The following HSD17B6 variants were observed in gnomAD, a reference collection of about 807,000 sequenced individuals.
The protein encoded by HSD17B6 is 17-beta-hydroxysteroid dehydrogenase type 6.
In HSD17B6, 16 loss-of-function variants were observed where a neutral mutation model predicts 26.4. That is an observed-to-expected ratio of 0.61 (90% CI 0.41 to 0.92). The LOEUF (loss-of-function observed/expected upper bound fraction) is 0.92, where lower values mean the gene tolerates loss of function less well. Among genes scored for constraint, HSD17B6 ranks in the 40% least tolerant of loss-of-function variants. HSD17B6 has a pLI of 0.00. For synonymous variants in HSD17B6, 139 were observed against 153.0 expected (o/e 0.91, Z 0.68); for missense variants, 357 against 386.1 (o/e 0.92, Z 0.63).
intron 1 of HSD17B6, among the ~76,000 whole-genome samples, chr12:56,765,589 C>T (rs1286354737): frequency 1.3e-5 from 2 of 151,948 alleles, no homozygotes; most frequent in Non-Finnish European, 2.9e-5. Context: ...CCTCGACCTC[C>T]CAGGCTAAAG....
intron 3 of HSD17B6, among the ~76,000 whole-genome samples, chr12:56,784,058 C>T (rs1301174721): frequency 1.3e-5 from 2 of 150,840 alleles, no homozygotes; most frequent in African/African-American, 2.4e-5. Context: ...GGCAGAGGCG[C>T]TCCCCACATC....
chr12:56,787,334 G>A lies in HSD17B6; in HGVS notation c.946G>A (p.Ala316Thr). The change falls in exon 5 of 5, where the codon GCA (alanine) becomes ACA (threonine). Residue 316 changes from alanine to threonine, a missense_variant. By Grantham distance (58) the Ala-to-Thr change is moderately conservative. Transcript: ENST00000322165. The part of the protein sequence containing the change: ...LTRSWPKPAQ[A>T]V ...TAGATCTTGGCCCAAACCAGCCCAG[G>A]CAGTCTAAAGAAAACTGGGTTGGTG... 2 of 1,611,252 alleles carry A rather than the reference G, an allele frequency of 1.2e-6. No homozygotes were observed. Among genetic ancestry groups the A allele is most frequent in the Admixed American group, 1.7e-5 (1 of 59,822 alleles).
intron 1 of HSD17B6, among the ~76,000 whole-genome samples, chr12:56,768,760 C>T (rs1359619878): frequency 7.0e-5 from 1 of 14,224 alleles, no homozygotes; most frequent in Non-Finnish European, 1.3e-4. Context: ...CTTATATTGG[C>T]GGTGGGCGGG....
At chr12:56,776,030 A>T (rs188779687) in intron 2 of HSD17B6, among the ~76,000 whole-genome samples, 1 of 152,240 alleles carries the variant, frequency 6.6e-6, no homozygotes, top group East Asian at 1.9e-4. Context: ...GCTTCAAGCG[A>T]TTCGCCTTTC....
Position 56,773,872 on chromosome 12 carries a change from C to T in HSD17B6, c.20C>T (p.Ala7Val). The T allele has an allele frequency of 6.4e-7, 1 of 1,573,620 alleles. No homozygotes were observed. The highest frequency in any genetic ancestry group is 1.2e-5 in the South Asian group (1 of 86,326). MWLYLA[A>V]FVGLYYLLHW... is the part of the protein sequence containing the mutation. ...CTCACTATGTGGCTCTACCTGGCGG[C>T]CTTCGTGGGCCTGTACTACCTTCTG... The change falls in exon 2 of 5, where the codon GCC becomes GTC. Residue 7 changes from alanine to valine, a missense_variant. Physicochemically the swap from Ala to Val is moderately conservative, Grantham distance 64. Transcript: ENST00000322165.
chr12:56,782,412 A>G (rs1445420158), intron 3 of HSD17B6, among the ~76,000 whole-genome samples, 180 bp downstream of exon 3: 1 of 152,204 alleles, frequency 6.6e-6, no homozygotes, highest in Non-Finnish European at 1.5e-5. Flanking sequence ...GAGTTCACCT[A>G]CCATAGCCAG....
intron 1 of HSD17B6, among the ~76,000 whole-genome samples, chr12:56,767,548 A>G (rs552329627): frequency 7.5e-5 from 11 of 147,534 alleles, no homozygotes; most frequent in Non-Finnish European, 1.0e-4. Flanking sequence ...AAAAAAAAAC[A>G]AAAACAAAAT....
chr12:56,784,880 A>T lies in HSD17B6; in HGVS notation c.600A>T (p.Lys200Asn), dbSNP rs757749628. 1.9e-6 allele frequency: 3 copies of T among 1,613,872 alleles called. No homozygotes were observed. In the South Asian group the frequency reaches 3.3e-5, roughly 18 times the overall value. Residue 200 changes from lysine to asparagine, a missense_variant, in exon 4 of 5, where the codon AAA becomes AAT. Transcript: ENST00000322165. ...LRREIQHFGVKISIVEPGYFR... is the reference protein window; with the variant it reads ...LRREIQHFGVNISIVEPGYFR... Reference sequence around the variant, plus strand: ...GTGAGATTCAACATTTTGGGGTGAAAATCAGCATAGTTGAACCTGGCTACT... The same window carrying T: ...GTGAGATTCAACATTTTGGGGTGAATATCAGCATAGTTGAACCTGGCTACT...
intron 1 of HSD17B6, among the ~76,000 whole-genome samples, chr12:56,767,367 A>T (rs1426306000): frequency 6.6e-6 from 1 of 150,946 alleles, no homozygotes; most frequent in Non-Finnish European, 1.5e-5. Context: ...AAAAAAAAAA[A>T]TTAGCCGGGC....
chr12:56,770,733 GCAT>G (rs1954451871), intron 1 of HSD17B6, among the ~76,000 whole-genome samples: 1 of 152,072 alleles, frequency 6.6e-6, no homozygotes, highest in Non-Finnish European at 1.5e-5. Context: ...AGTACAGCAG[GCAT>G]CATGATAAAC....
At chr12:56,778,049 A>G (rs1954630501) in intron 2 of HSD17B6, among the ~76,000 whole-genome samples, 1 of 152,092 alleles carries the variant, frequency 6.6e-6, no homozygotes, top group African/African-American at 2.4e-5. Flanking sequence ...TCATTTTTAT[A>G]TTTCCAACTT....
chr12:56,766,521 A>G (rs1480978706), intron 1 of HSD17B6, among the ~76,000 whole-genome samples: 6 of 152,228 alleles, frequency 3.9e-5, no homozygotes, highest in Admixed American at 3.3e-4. Flanking sequence ...GTTTTGATGG[A>G]ACATAGGCAG....
intron 2 of HSD17B6, among the ~76,000 whole-genome samples, chr12:56,780,287 GAATA>G (rs1409388387): frequency 6.6e-6 from 1 of 152,140 alleles, no homozygotes; most frequent in African/African-American, 2.4e-5. Context: ...ATCTGATTGG[GAATA>G]AATAGTGACT....
At chr12:56,772,919 G>C (rs1257735069) in intron 1 of HSD17B6, among the ~76,000 whole-genome samples, 1 of 152,114 alleles carries the variant, frequency 6.6e-6, no homozygotes, top group African/African-American at 2.4e-5. Flanking sequence ...GAATTGCATA[G>C]ACTAGCCTCA....
At chr12:56,776,646 T>C (rs985099290) in intron 2 of HSD17B6, among the ~76,000 whole-genome samples, 4 of 152,032 alleles carry the variant, frequency 2.6e-5, no homozygotes, top group African/African-American at 9.7e-5. Flanking sequence ...TTCTGTTTTT[T>C]TGTTTGTTTG....
intron 2 of HSD17B6, among the ~76,000 whole-genome samples, chr12:56,778,751 G>T (rs369413241): frequency 6.8e-6 from 1 of 147,362 alleles, no homozygotes; most frequent in Non-Finnish European, 1.5e-5. Flanking sequence ...CTCGGCTCAC[G>T]GCAAGCTCCG....
chr12:56,776,215 C>T (rs543730757), intron 2 of HSD17B6, among the ~76,000 whole-genome samples: 12 of 152,174 alleles, frequency 7.9e-5, no homozygotes, highest in East Asian at 1.9e-4. Flanking sequence ...CGTGAGCCAT[C>T]GCGCCCGGCT....
intron 2 of HSD17B6, among the ~76,000 whole-genome samples, chr12:56,780,483 T>G (rs2137922210): frequency 6.6e-6 from 1 of 152,288 alleles, no homozygotes; most frequent in African/African-American, 2.4e-5. Flanking sequence ...TCTTCCTTAT[T>G]TGAAGGTGTT....
At chr12:56,785,070 C>G in intron 4 of HSD17B6, 54 bp downstream of exon 4, 1 of 1,499,576 alleles carries the variant, frequency 6.7e-7, no homozygotes, top group Non-Finnish European at 9.0e-7. Flanking sequence ...AGTCCATTCT[C>G]ATGCTGCTAT....
Sources: allele counts gnomAD v4.1 joint callset (sites outside exome capture counted in the v4.1 genomes callset), GRCh38; gene constraint gnomAD v4.1.1; transcripts MANE v1.5; gene names NCBI Gene and HGNC (gene_info 2026-07-23, HGNC 2026-07-21).